Variants in TBXAS1 observed in about 807,000 individuals in gnomAD.
TBXAS1 encodes the protein thromboxane-A synthase.
A neutral mutation model predicts 60.7 loss-of-function variants in TBXAS1; 48 were observed. That is an observed-to-expected ratio of 0.79 (90% CI 0.63 to 1.01). TBXAS1 has a LOEUF of 1.01. Ranked by LOEUF, TBXAS1 falls within the 50% of genes least tolerant of loss-of-function variation. The pLI is 0.00. For missense variants in TBXAS1, 685 were observed against 686.3 expected (o/e 1.00, Z 0.02); for synonymous variants, 287 against 269.7 (o/e 1.06, Z -0.63).
intron 1 of TBXAS1, among the ~76,000 whole-genome samples, chr7:139,843,098 T>C (rs1005403013): frequency 3.3e-5 from 5 of 152,164 alleles, no homozygotes; most frequent in Non-Finnish European, 7.4e-5. Context: ...CTTCCCTCCT[T>C]CCTGCACTGA....
chr7:139,884,309 G>A (rs189983703), intron 3 of TBXAS1, among the ~76,000 whole-genome samples: 11 of 152,162 alleles, frequency 7.2e-5, no homozygotes, highest in Non-Finnish European at 7.3e-5. Context: ...GCCTTAACTC[G>A]GAATCATGCT....
chr7:139,874,277 T>C (rs765419313), intron 2 of TBXAS1, among the ~76,000 whole-genome samples: 2 of 152,030 alleles, frequency 1.3e-5, no homozygotes, highest in Non-Finnish European at 2.9e-5. Context: ...CTAAAGAAAA[T>C]GCATTTCACA....
chr7:139,932,199 G>A (rs1019741880), intron 4 of TBXAS1, among the ~76,000 whole-genome samples: 2 of 151,500 alleles, frequency 1.3e-5, no homozygotes, highest in Admixed American at 6.6e-5. Flanking sequence ...TTAAGATGGT[G>A]GATTTTATGT....
chr7:139,974,329 T>C (rs531345517), intron 9 of TBXAS1, among the ~76,000 whole-genome samples: 3 of 152,244 alleles, frequency 2.0e-5, no homozygotes, highest in African/African-American at 7.2e-5. Flanking sequence ...GCACTGCCTC[T>C]CTCTGGGACA....
chr7:139,986,094 G>C (rs1171891179), intron 9 of TBXAS1, among the ~76,000 whole-genome samples: 1 of 152,242 alleles, frequency 6.6e-6, no homozygotes, highest in Admixed American at 6.5e-5. Context: ...GCGGAGGAGT[G>C]CCACAGAATG....
intron 4 of TBXAS1, among the ~76,000 whole-genome samples, chr7:139,814,466 G>T (rs1440249052): frequency 6.6e-6 from 1 of 152,174 alleles, no homozygotes; most frequent in African/African-American, 2.4e-5. Flanking sequence ...TATCCAGTTG[G>T]TCAAGTGGAC....
chr7:140,008,646 A>G (rs1210185755), intron 10 of TBXAS1, among the ~76,000 whole-genome samples: 1 of 151,840 alleles, frequency 6.6e-6, no homozygotes, highest in Non-Finnish European at 1.5e-5. Flanking sequence ...ACGGGGTTTC[A>G]CCACGTTGGC....
chr7:139,842,187 T>C (rs1004346968), intron 1 of TBXAS1, among the ~76,000 whole-genome samples: 1 of 152,174 alleles, frequency 6.6e-6, no homozygotes, highest in Admixed American at 6.5e-5. Context: ...TTAATATTTA[T>C]GGTCATACCT....
Position 139,916,822 on chromosome 7 carries a change from C to CG in TBXAS1, c.333+5506dup, listed in dbSNP as rs1806021907. Among the ~76,000 whole-genome samples, 1 of 152,324 alleles carries CG rather than the reference C, an allele frequency of 6.6e-6. No individual in the cohort carries two copies. Among genetic ancestry groups the CG allele is most frequent in the African/African-American group, 2.4e-5 (1 of 41,570 alleles). ...TACAGGTGAGTCAGACGCCCTTGTG[C>CG]GGGGGCCACAGGGACCCGCCTGCTG... On this transcript the variant is annotated intron_variant, in intron 4 of 12. Coordinates refer to ENST00000448866, the MANE Select transcript of TBXAS1 (RefSeq NM_001061.7). This position sits in a 1 kb window ranked among gnomAD's most constrained non-coding sequence, Gnocchi z 4.2.
intron 4 of TBXAS1, among the ~76,000 whole-genome samples, chr7:139,912,738 G>A (rs1243396407): frequency 2.6e-5 from 4 of 152,134 alleles, no homozygotes; most frequent in Non-Finnish European, 5.9e-5. Flanking sequence ...GAGTCTTAAA[G>A]AAATTAGAGA....
At chr7:139,861,830 C>T (rs1414614226) in intron 1 of TBXAS1, among the ~76,000 whole-genome samples, 1 of 152,168 alleles carries the variant, frequency 6.6e-6, no homozygotes, top group Non-Finnish European at 1.5e-5. Flanking sequence ...GTCAGGCAGG[C>T]TGGTTCCTTC....
intron 2 of TBXAS1, among the ~76,000 whole-genome samples, chr7:139,873,925 A>G (rs1802019325): frequency 1.3e-5 from 2 of 152,128 alleles, no homozygotes; most frequent in Non-Finnish European, 2.9e-5. Flanking sequence ...TATCCCTTCA[A>G]CATCTCTAGA....
intron 1 of TBXAS1, among the ~76,000 whole-genome samples, chr7:139,843,639 G>A (rs548023004): frequency 1.2e-4 from 19 of 152,238 alleles, no homozygotes; most frequent in African/African-American, 2.9e-4. Flanking sequence ...CACAGTGCCC[G>A]GCCCACTTTA....
At chr7:139,986,230 T>C (rs79463454) in intron 9 of TBXAS1, among the ~76,000 whole-genome samples, 2,433 of 152,290 alleles carry the variant, frequency 0.016, 29 homozygotes, top group Middle Eastern at 0.027. Context: ...TACAACTCTG[T>C]GGAGTAGGAC....
chr7:139,887,102 A>G (rs572512096), intron 3 of TBXAS1, among the ~76,000 whole-genome samples: 1 of 152,280 alleles, frequency 6.6e-6, no homozygotes, highest in Admixed American at 6.5e-5. Flanking sequence ...GAAAGGTTTC[A>G]TATGAGTAGG....
Position 139,929,414 on chromosome 7 carries a change from G to A in TBXAS1, c.334-6777G>A, listed in dbSNP as rs192495325. ...ATGGAGTGATGGCTAATTTAGTGAT[G>A]GAGTGGGTGGTTTCGTGGGAAAAAT... On this transcript the variant is annotated intron_variant, in intron 4 of 12. Coordinates refer to ENST00000448866, the MANE Select transcript of TBXAS1 (RefSeq NM_001061.7). Among the ~76,000 whole-genome samples, 27 of 152,230 alleles carry A rather than the reference G, an allele frequency of 1.8e-4. 1 individual carries two copies. In the East Asian group the frequency reaches 5.0e-3, roughly 28 times the overall value.
At chr7:139,945,350 G>A (rs1438584268) in intron 5 of TBXAS1, among the ~76,000 whole-genome samples, 1 of 152,234 alleles carries the variant, frequency 6.6e-6, no homozygotes, top group Non-Finnish European at 1.5e-5. Context: ...CACGTTCAGA[G>A]AGATTCAAAT....
At chr7:139,974,511 G>C (rs1352718267) in intron 9 of TBXAS1, among the ~76,000 whole-genome samples, 1 of 152,128 alleles carries the variant, frequency 6.6e-6, no homozygotes, top group African/African-American at 2.4e-5. Context: ...CCCGCCATGA[G>C]AGCACACGGG....
chr7:139,968,932 T>C (rs1478877694), intron 9 of TBXAS1, among the ~76,000 whole-genome samples: 1 of 152,246 alleles, frequency 6.6e-6, no homozygotes, highest in East Asian at 1.9e-4. Flanking sequence ...TTCATTGTGT[T>C]CTCATGTAAT....
Sources: allele counts gnomAD v4.1 joint callset (sites outside exome capture counted in the v4.1 genomes callset), GRCh38; gene constraint gnomAD v4.1.1; non-coding constraint Gnocchi (gnomAD v3.1); transcripts MANE v1.5; gene names NCBI Gene and HGNC (gene_info 2026-07-23, HGNC 2026-07-21).